The following FHOD3 variants were observed in gnomAD, a reference collection of about 807,000 sequenced individuals.
The protein encoded by FHOD3 is FH1/FH2 domain-containing protein 3.
A neutral mutation model predicts 173.0 loss-of-function variants in FHOD3; 90 were observed. The observed-to-expected ratio is 0.52, with a 90% confidence interval of 0.44 to 0.62. FHOD3 has a LOEUF of 0.62. Ranked by LOEUF, FHOD3 falls within the 20% of genes least tolerant of loss-of-function variation. The pLI is 0.00. For missense variants in FHOD3, 1,945 were observed against 2,034.7 expected, an observed-to-expected ratio of 0.96 and a Z score of 0.85; for synonymous variants, 828 against 823.0, an observed-to-expected ratio of 1.01 and a Z score of -0.10.
At chr18:36,600,252 A>AACACACACACACACACACACACAC (rs67473480) in intron 7 of FHOD3, among the ~76,000 whole-genome samples, 3 of 143,176 alleles carry the variant, frequency 2.1e-5, no homozygotes, top group East Asian at 2.1e-4. Context: ...TCTCCTCTGC[A>AACACACACACACACACACACACAC]ACACACACAC....
At chr18:36,544,745 G>A (rs1256768992) in intron 5 of FHOD3, 1 of 152,470 alleles carries the variant, frequency 6.6e-6, no homozygotes, top group African/African-American at 2.4e-5. Context: ...CCCCTTTCTG[G>A]TGGGACTGCT....
chr18:36,560,143 C>T (rs937814298), intron 5 of FHOD3, among the ~76,000 whole-genome samples: 22 of 152,302 alleles, frequency 1.4e-4, no homozygotes, highest in Non-Finnish European at 2.8e-4. Context: ...GCATAAAAAA[C>T]AGGGTTACAC....
At chr18:36,719,268 A>G (rs2040628861) in intron 19 of FHOD3, among the ~76,000 whole-genome samples, 2 of 152,212 alleles carry the variant, frequency 1.3e-5, no homozygotes, top group Non-Finnish European at 2.9e-5. Flanking sequence ...AATATTACAC[A>G]TGCCTCTAGA....
chr18:36,353,820 C>T (rs1427008857), intron 1 of FHOD3, among the ~76,000 whole-genome samples: 2 of 152,208 alleles, frequency 1.3e-5, no homozygotes, highest in African/African-American at 2.4e-5. Flanking sequence ...GATGCTGTCA[C>T]AGTCCAGGAT....
At chr18:36,501,727 C>T (rs576340786) in intron 3 of FHOD3, among the ~76,000 whole-genome samples, 1 of 152,254 alleles carries the variant, frequency 6.6e-6, no homozygotes, top group South Asian at 2.1e-4. Flanking sequence ...CCCATCTACA[C>T]ATTATTCCAT....
chr18:36,375,118 C>T (rs894270431), intron 3 of FHOD3, among the ~76,000 whole-genome samples: 1 of 152,146 alleles, frequency 6.6e-6, no homozygotes, highest in Non-Finnish European at 1.5e-5. Context: ...TGATGAAGTA[C>T]CTTCCCCTAT....
At chr18:36,708,806 C>T (rs1485029338) in intron 17 of FHOD3, among the ~76,000 whole-genome samples, 4 of 152,194 alleles carry the variant, frequency 2.6e-5, no homozygotes, top group African/African-American at 7.2e-5. Context: ...TCCTTTTCTG[C>T]TGCCAATTGG....
At chr18:36,522,280 G>T (rs998560284) in intron 5 of FHOD3, among the ~76,000 whole-genome samples, 1 of 152,234 alleles carries the variant, frequency 6.6e-6, no homozygotes, top group African/African-American at 2.4e-5. Flanking sequence ...GTCACTACTT[G>T]TGAGAAAGCT....
chr18:36,730,789 CAAA>C lies in FHOD3; in HGVS notation c.3562_3564del (p.Lys1188del). On this transcript the variant is annotated inframe_deletion, in exon 20 of 29. Transcript: ENST00000590592. ...TGAATTTTGATGAGTATGCCTTAAACAAAGAAGGAATCGAGGTGAGGGAAGCTC... is the reference window on the plus strand; with the variant it reads ...TGAATTTTGATGAGTATGCCTTAAACGAAGGAATCGAGGTGAGGGAAGCTC... 6.2e-7 allele frequency: 1 copy of C among 1,613,858 alleles called. No homozygotes were observed. Among genetic ancestry groups the C allele is most frequent in the Non-Finnish European group, 8.5e-7 (1 of 1,179,938 alleles).
chr18:36,633,039 C>T (rs559114065), intron 10 of FHOD3, among the ~76,000 whole-genome samples: 8 of 152,300 alleles, frequency 5.3e-5, no homozygotes, highest in Admixed American at 5.2e-4. Flanking sequence ...CCTGATTCTT[C>T]CCTTAGGTGG....
chr18:36,552,991 C>A (rs2057723923), intron 5 of FHOD3, among the ~76,000 whole-genome samples: 1 of 152,042 alleles, frequency 6.6e-6, no homozygotes, highest in African/African-American at 2.4e-5. Flanking sequence ...GAGATATGTC[C>A]CATCAATACC....
intron 16 of FHOD3, among the ~76,000 whole-genome samples, chr18:36,689,329 C>T (rs1319123488): frequency 1.3e-5 from 2 of 151,536 alleles, no homozygotes; most frequent in African/African-American, 4.8e-5. Flanking sequence ...TGTCAAGTCC[C>T]ACATCTCTTA....
At chr18:36,686,429 A>G (rs1046534950) in intron 15 of FHOD3, among the ~76,000 whole-genome samples, 1 of 148,784 alleles carries the variant, frequency 6.7e-6, no homozygotes, top group Non-Finnish European at 1.5e-5. Context: ...TAGGGAGGGG[A>G]CCTGTGTCCA....
At chr18:36,470,168 C>A (rs1007166003) in intron 3 of FHOD3, among the ~76,000 whole-genome samples, 3 of 152,186 alleles carry the variant, frequency 2.0e-5, no homozygotes, top group African/African-American at 7.2e-5. Context: ...AGTTAGCATA[C>A]CCTTGTGAAG....
At chr18:36,302,477 G>A (rs1427333415) in intron 1 of FHOD3, among the ~76,000 whole-genome samples, 1 of 152,138 alleles carries the variant, frequency 6.6e-6, no homozygotes, top group Non-Finnish European at 1.5e-5. Flanking sequence ...TGAACAGCAT[G>A]GATTACAGGT....
chr18:36,646,761 T>C (rs1179678037), intron 10 of FHOD3, among the ~76,000 whole-genome samples: 1 of 152,140 alleles, frequency 6.6e-6, no homozygotes, highest in Non-Finnish European at 1.5e-5. Flanking sequence ...GAGACTATCT[T>C]TAAGACCTGG....
chr18:36,403,253 A>G (rs1453297236), intron 3 of FHOD3, among the ~76,000 whole-genome samples: 5 of 152,114 alleles, frequency 3.3e-5, no homozygotes, highest in South Asian at 2.1e-4. Context: ...TCCTCCCTCT[A>G]CCCACCTTTT....
At chr18:36,699,742 A>G (rs879891138) in intron 17 of FHOD3, among the ~76,000 whole-genome samples, 4 of 152,146 alleles carry the variant, frequency 2.6e-5, no homozygotes, top group Non-Finnish European at 4.4e-5. Flanking sequence ...ACTCACGTTG[A>G]CTTTCTGGTA....
chr18:36,731,601 G>A (rs1045623007), intron 20 of FHOD3, among the ~76,000 whole-genome samples: 6 of 152,274 alleles, frequency 3.9e-5, no homozygotes, highest in South Asian at 2.1e-4. Context: ...TATTGGCAGG[G>A]GGCCCCAGAC....
Sources: gnomAD v4.1 joint callset for allele counts (sites outside exome capture counted in the v4.1 genomes callset) on GRCh38, gnomAD v4.1.1 for gene constraint, MANE v1.5 for transcripts, NCBI Gene and HGNC (gene_info 2026-07-23, HGNC 2026-07-21) for gene names.